PCDHGA6: variants seen among roughly 807,000 people sequenced by gnomAD.
The protein encoded by PCDHGA6 is protocadherin gamma-A6.
PCDHGA6 carries 41 observed loss-of-function variants against 60.6 expected under a neutral mutation model. The observed-to-expected ratio is 0.68, with a 90% CI of 0.53 to 0.88. The LOEUF (loss-of-function observed/expected upper bound fraction) is 0.88, where lower values mean the gene tolerates loss of function less well. PCDHGA6 is among the 40% of genes least tolerant of loss of function. The pLI, the probability that PCDHGA6 is intolerant of heterozygous loss-of-function variation, is 0.00. For missense variants in PCDHGA6, 1,312 were observed against 1,203.0 expected, an observed-to-expected ratio of 1.09 and a Z score of -1.34; for synonymous variants, 594 against 524.4, an observed-to-expected ratio of 1.13 and a Z score of -1.81.
At chr5:141,472,805 G>C (rs2099297767) in intron 1 of PCDHGA6, among the ~76,000 whole-genome samples, 1 of 151,688 alleles carries the variant, frequency 6.6e-6, no homozygotes, top group African/African-American at 2.4e-5. Context: ...GACCAACATG[G>C]AGAAACCCCC....
chr5:141,493,679 G>C lies in PCDHGA6; in HGVS notation c.2425-1128G>C. On this transcript the variant is annotated intron_variant, in intron 1 of 3. Transcript: ENST00000517434. This position sits in a 1 kb window ranked among gnomAD's most constrained non-coding sequence, Gnocchi z 4.3. ...CCTTCTCCATGGCAGCCCCAGAATG[G>C]TGCTGGTGACTCCCGATACACCTGG... Among the ~76,000 whole-genome samples the C allele has an allele frequency of 6.6e-6, 1 of 152,198 alleles. No individual in the cohort carries two copies. Among genetic ancestry groups the C allele is most frequent in the African/African-American group, 2.4e-5 (1 of 41,446 alleles).
intron 1 of PCDHGA6, among the ~76,000 whole-genome samples, chr5:141,460,369 T>C (rs1048970945): frequency 2.1e-4 from 32 of 152,322 alleles, no homozygotes; most frequent in African/African-American, 7.7e-4. Flanking sequence ...AGTTTTATAG[T>C]TTTACCATTT....
At chr5:141,379,889 C>CT (rs70988800) in intron 1 of PCDHGA6, among the ~76,000 whole-genome samples, 813 of 50,762 alleles carry the variant, frequency 0.016, 203 homozygotes, top group Non-Finnish European at 0.022. Flanking sequence ...GTGAAAGCCT[C>CT]TTTTTTTTTT....
In PCDHGA6 at chr5:141,490,951, T is replaced by C. The variant is rs778168052; in HGVS notation, c.2425-3856T>C. 20 of 1,613,640 alleles carry C rather than the reference T, an allele frequency of 1.2e-5. No homozygotes were observed. Among genetic ancestry groups the C allele is most frequent in the Middle Eastern group, 1.6e-4 (1 of 6,084 alleles). On this transcript the variant is annotated intron_variant, in intron 1 of 3. Coordinates refer to ENST00000517434, the MANE Select transcript of PCDHGA6 (RefSeq NM_018919.3). This position sits in a 1 kb window ranked among gnomAD's most constrained non-coding sequence, Gnocchi z 5.4. The stretch of plus-strand genomic sequence containing the variant: ...AGCTGTGCTGCACCCACGGCCAGAC[T>C]GGGAACACTCAGCCCCCCAGCGTCT...
Position 141,376,503 on chromosome 5 carries a change from T to C in PCDHGA6, c.2420T>C (p.Leu807Pro), listed in dbSNP as rs192154001. 1.1e-5 allele frequency: 17 copies of C among 1,614,052 alleles called. No homozygotes were observed. In the African/African-American group the frequency reaches 2.1e-4, roughly 20 times the overall value. ...GAAACGAAAGGAGAACCCAGGCAAC[T>C]TCAGGTGAGTTTCTTTCCGCCTAAG... is the stretch of plus-strand genomic sequence containing the variant. ...LLETKGEPRQ[L>P]QQAPPNTDWR... The change falls in exon 1 of 4, where the codon CTT (leucine) becomes CCT (proline). Residue 807 changes from leucine to proline, a missense_variant. Transcript: ENST00000517434.
Position 141,376,506 on chromosome 5 carries a change from A to C in PCDHGA6, c.2423A>C (p.Gln808Pro), listed in dbSNP as rs773992139. ...LETKGEPRQL[Q>P]QAPPNTDWRF... ...ACGAAAGGAGAACCCAGGCAACTTC[A>C]GGTGAGTTTCTTTCCGCCTAAGCGG... Residue 808 changes from glutamine (Q) to proline (P), a missense_variant and splice_region_variant, in exon 1 of 4, where the codon CAG (glutamine) becomes CCG (proline). Gln to Pro is a moderately conservative substitution (Grantham distance 76). Coordinates refer to ENST00000517434, the MANE Select transcript of PCDHGA6 (RefSeq NM_018919.3). 1 of 1,614,126 alleles carries C rather than the reference A, an allele frequency of 6.2e-7. No individual in the cohort carries two copies. Among genetic ancestry groups the C allele is most frequent in the African/African-American group, 1.3e-5 (1 of 75,072 alleles).
chr5:141,404,909 CCT>C (rs1243432357), intron 1 of PCDHGA6: 1 of 1,613,798 alleles, frequency 6.2e-7, no homozygotes, highest in Admixed American at 1.7e-5. Flanking sequence ...TGGCCAGCCC[CCT>C]CTCTCGGCCA....
Position 141,489,646 on chromosome 5 carries a change from C to G in PCDHGA6, c.2425-5161C>G, listed in dbSNP as rs1274955075. The G allele has an allele frequency of 1.2e-6, 2 of 1,614,186 alleles. No individual in the cohort carries two copies. Among genetic ancestry groups the G allele is most frequent in the Non-Finnish European group, 1.7e-6 (2 of 1,180,022 alleles). ...TGACAACTCTCCTAGCTTTGCCACC[C>G]CTGAGCGAGAGATGCGCATCTCAGA... On this transcript the variant is annotated intron_variant, in intron 1 of 3. Coordinates refer to ENST00000517434, the MANE Select transcript of PCDHGA6 (RefSeq NM_018919.3). The surrounding 1 kb of genome is among the most constrained non-coding windows in gnomAD (Gnocchi z 4.5).
Position 141,485,072 on chromosome 5 carries a change from G to C in PCDHGA6, c.2425-9735G>C. 1.1e-6 allele frequency: 1 copy of C among 917,012 alleles called. No individual in the cohort carries two copies. The highest frequency in any genetic ancestry group is 1.7e-6 in the Non-Finnish European group (1 of 587,880). 56.8% of individuals were successfully genotyped at this position (917,012 alleles called of 1,614,324 possible). On this transcript the variant is annotated intron_variant, in intron 1 of 3. Coordinates refer to ENST00000517434, the MANE Select transcript of PCDHGA6 (RefSeq NM_018919.3). The surrounding 1 kb of genome is among the most constrained non-coding windows in gnomAD (Gnocchi z 5.7). ...CCGGCCGAACCGCGCCAGAGCTGGCGCGGGGAAAGGGAGATAGGTGTCTCC... is the reference window on the plus strand; with the variant it reads ...CCGGCCGAACCGCGCCAGAGCTGGCCCGGGGAAAGGGAGATAGGTGTCTCC...
chr5:141,483,243 ATATATCATGAGGTTTTTTTGTT>A (rs555469799), intron 1 of PCDHGA6, among the ~76,000 whole-genome samples: 11 of 151,654 alleles, frequency 7.3e-5, no homozygotes, highest in African/African-American at 2.2e-4. Context: ...ACTGATATGC[ATATATCATGAGGTTTTTTTGTT>A]TTAGAAATAT....
chr5:141,501,296 C>T (rs4912760), intron 2 of PCDHGA6, among the ~76,000 whole-genome samples: 1,659 of 80,026 alleles, frequency 0.021, 16 homozygotes, highest in African/African-American at 0.042. Flanking sequence ...CTTATACACA[C>T]ACACACACAC....
intron 1 of PCDHGA6, among the ~76,000 whole-genome samples, chr5:141,467,404 C>T (rs1032912609): frequency 1.3e-5 from 2 of 151,864 alleles, no homozygotes; most frequent in African/African-American, 4.8e-5. Context: ...AGTTAGAAAG[C>T]CTTTCCCCAC....
At chr5:141,501,841 C>T (rs2099811330) in intron 2 of PCDHGA6, among the ~76,000 whole-genome samples, 1 of 152,130 alleles carries the variant, frequency 6.6e-6, no homozygotes, top group African/African-American at 2.4e-5. Flanking sequence ...CTGTTTGGCC[C>T]TCAACCTTCA....
At chr5:141,395,034 G>A (rs772873954) in intron 1 of PCDHGA6, 21 of 1,614,032 alleles carry the variant, frequency 1.3e-5, no homozygotes, top group African/African-American at 5.3e-5. Context: ...CTCACATTTT[G>A]TGGGTGTTGA....
At position 141,394,947 on chromosome 5, in the gene PCDHGA6, C is replaced by T. The variant is rs536743847; in HGVS notation, c.2424+18440C>T. The T allele has an allele frequency of 1.7e-5, 27 of 1,613,892 alleles. No homozygotes were observed. In the African/African-American group the frequency reaches 2.8e-4, roughly 17 times the overall value. Reference sequence around the variant, plus strand: ...CTTCCTCGCCTTTGTCGCTGTGCTTCTGGGGCTCAGGCTGAGGCGCTGGCA... The same window carrying T: ...CTTCCTCGCCTTTGTCGCTGTGCTTTTGGGGCTCAGGCTGAGGCGCTGGCA... On this transcript the variant is annotated intron_variant, in intron 1 of 3. Coordinates refer to ENST00000517434, the MANE Select transcript of PCDHGA6 (RefSeq NM_018919.3).
chr5:141,432,686 G>A lies in PCDHGA6; in HGVS notation c.2424+56179G>A. On this transcript the variant is annotated intron_variant, in intron 1 of 3. Transcript: ENST00000517434. The surrounding 1 kb of genome is among the most constrained non-coding windows in gnomAD (Gnocchi z 6.0). The stretch of plus-strand genomic sequence containing the variant: ...CAGAGACGCGCTCAAGCAGAGCCTC[G>A]TAGTGGCCGTCCAGGACCACGGCCA... 2 of 1,613,922 alleles carry A rather than the reference G, an allele frequency of 1.2e-6. No homozygotes were observed. The highest frequency in any genetic ancestry group is 1.7e-5 in the Admixed American group (1 of 60,020).
intron 1 of PCDHGA6, chr5:141,479,722 T>C (rs2099504690): frequency 6.6e-6 from 1 of 152,240 alleles, no homozygotes; most frequent in African/African-American, 2.4e-5. Context: ...CCAGCCTTAT[T>C]TTTCTTAAGT....
chr5:141,401,712 A>G (rs987480271), intron 1 of PCDHGA6, among the ~76,000 whole-genome samples: 1 of 152,226 alleles, frequency 6.6e-6, no homozygotes, highest in Non-Finnish European at 1.5e-5. Flanking sequence ...TCCATTTTTA[A>G]GACAAAAACT....
At chr5:141,437,863 G>A (rs2097915247) in intron 1 of PCDHGA6, among the ~76,000 whole-genome samples, 2 of 151,480 alleles carry the variant, frequency 1.3e-5, no homozygotes, top group African/African-American at 2.4e-5. Context: ...TTAGCCTCCC[G>A]AGTAGCTGGG....
Sources: allele counts gnomAD v4.1 joint callset (sites outside exome capture counted in the v4.1 genomes callset), GRCh38; gene constraint gnomAD v4.1.1; non-coding constraint Gnocchi (gnomAD v3.1); transcripts MANE v1.5; gene names NCBI Gene and HGNC (gene_info 2026-07-23, HGNC 2026-07-21).